The following SCAI variants were observed in gnomAD, a reference collection of about 807,000 sequenced individuals.
SCAI encodes the protein protein SCAI.
SCAI carries 24 observed loss-of-function variants against 92.2 expected under a neutral mutation model. The ratio of observed to expected loss-of-function variants is 0.26; its 90% CI spans 0.19 to 0.37. SCAI has a LOEUF of 0.37. SCAI is among the 10% of genes least tolerant of loss of function. SCAI has a pLI of 1.00. For missense variants in SCAI, 450 were observed against 736.2 expected, an observed-to-expected ratio of 0.61 and a Z score of 4.50; for synonymous variants, 261 against 258.6, an observed-to-expected ratio of 1.01 and a Z score of -0.09.
At chr9:125,142,718 A>G (rs753439413) in intron 1 of SCAI, 41 bp from the exon 2 acceptor site, 11 of 1,557,328 alleles carry the variant, frequency 7.1e-6, no homozygotes, top group Non-Finnish European at 9.7e-6. Context: ...AAAGTAACAT[A>G]CAAGAAAACA....
intron 3 of SCAI, among the ~76,000 whole-genome samples, chr9:125,054,104 A>AGCT (rs1833617103): frequency 6.6e-6 from 1 of 152,068 alleles, no homozygotes; most frequent in Non-Finnish European, 1.5e-5. Context: ...TCTCCCGAGC[A>AGCT]GCTGTGACTT....
At chr9:124,959,463 CATAT>C (rs749324371) in intron 17 of SCAI, among the ~76,000 whole-genome samples, 65 of 116,116 alleles carry the variant, frequency 5.6e-4, no homozygotes, top group African/African-American at 2.0e-3. Context: ...CTAGCAATTT[CATAT>C]ATATATATAT....
chr9:124,983,085 G>A (rs1265317046), intron 14 of SCAI, among the ~76,000 whole-genome samples: 1 of 151,444 alleles, frequency 6.6e-6, no homozygotes, highest in East Asian at 1.9e-4. Context: ...CCAGGAGTAT[G>A]AGGCTGCAGT....
At chr9:125,069,152 A>G (rs1833928025) in intron 2 of SCAI, among the ~76,000 whole-genome samples, 1 of 151,952 alleles carries the variant, frequency 6.6e-6, no homozygotes. Flanking sequence ...CGAGAGGCAG[A>G]GGTTGCAGTG....
At chr9:125,113,559 A>G (rs1834971854) in intron 2 of SCAI, among the ~76,000 whole-genome samples, 1 of 152,184 alleles carries the variant, frequency 6.6e-6, no homozygotes, top group Non-Finnish European at 1.5e-5. Context: ...AAAATTTTAA[A>G]AAGTAAATGC....
chr9:125,012,747 C>T (rs1275033896), intron 9 of SCAI, among the ~76,000 whole-genome samples: 4 of 152,182 alleles, frequency 2.6e-5, no homozygotes, highest in Non-Finnish European at 5.9e-5. Flanking sequence ...CACCACACCA[C>T]ACCTATTCCA....
intron 9 of SCAI, among the ~76,000 whole-genome samples, chr9:125,009,639 C>A (rs1832589196): frequency 6.6e-6 from 1 of 152,068 alleles, no homozygotes; most frequent in African/African-American, 2.4e-5. Flanking sequence ...GTAATCCCAA[C>A]ACTTTGGGAG....
intron 17 of SCAI, among the ~76,000 whole-genome samples, chr9:124,960,842 G>A (rs1269490044): frequency 4.6e-5 from 7 of 152,140 alleles, no homozygotes; most frequent in Non-Finnish European, 8.8e-5. Flanking sequence ...TTAGTAGGTG[G>A]GTCACAGTGG....
At chr9:125,050,157 A>G (rs896358456) in intron 3 of SCAI, among the ~76,000 whole-genome samples, 1 of 152,100 alleles carries the variant, frequency 6.6e-6, no homozygotes, top group African/African-American at 2.4e-5. Flanking sequence ...ACACTATTCC[A>G]GCTGGATCCC....
intron 3 of SCAI, among the ~76,000 whole-genome samples, chr9:125,046,741 CT>C (rs1408848690): frequency 2.0e-5 from 3 of 151,558 alleles, no homozygotes; most frequent in Non-Finnish European, 2.9e-5. Context: ...TACCTCTCCC[CT>C]AACCAATTCC....
chr9:125,078,324 C>T (rs928203765), intron 2 of SCAI, among the ~76,000 whole-genome samples: 2 of 152,078 alleles, frequency 1.3e-5, no homozygotes, highest in African/African-American at 4.8e-5. Flanking sequence ...GTCAAGAGTT[C>T]AAGACCAGCC....
chr9:125,032,410 TCGAACTCCTGA>T (rs1031680327), intron 3 of SCAI, among the ~76,000 whole-genome samples: 1 of 151,490 alleles, frequency 6.6e-6, no homozygotes, highest in African/African-American at 2.4e-5. Flanking sequence ...CAGGGTGGTC[TCGAACTCCTGA>T]CCTCAGGTGA....
intron 2 of SCAI, among the ~76,000 whole-genome samples, chr9:125,099,562 G>C (rs1019613949): frequency 6.6e-6 from 1 of 152,112 alleles, no homozygotes; most frequent in Non-Finnish European, 1.5e-5. Context: ...GATTACAGAC[G>C]GCAGCTTTTC....
At position 125,002,499 on chromosome 9, in the gene SCAI, T is replaced by TTTTTTTTTTTTTTTTG. The variant is rs1554779235; in HGVS notation, c.1066-457_1066-456insCAAAAAAAAAAAAAAA. On this transcript the variant is annotated intron_variant, in intron 11 of 17. Coordinates refer to ENST00000336505, the MANE Select transcript of SCAI (RefSeq NM_001144877.3). ...TTGTTTTTTAGTCTGTTTTTTTTTTTGAAACAGAGTTTCACTCTTGTTGCC... is the reference window on the plus strand; with the variant it reads ...TTGTTTTTTAGTCTGTTTTTTTTTTTTTTTTTTTTTTTTTTGGAAACAGAGTTTCACTCTTGTTGCC... Among the ~76,000 whole-genome samples the TTTTTTTTTTTTTTTTG allele has an allele frequency of 8.6e-4, 127 of 147,250 alleles. 1 individual carries two copies. The highest frequency in any genetic ancestry group is 3.2e-3 in the African/African-American group (124 of 38,846).
chr9:124,977,102 C>T (rs1293927724), intron 14 of SCAI, among the ~76,000 whole-genome samples: 1 of 152,134 alleles, frequency 6.6e-6, no homozygotes, highest in African/African-American at 2.4e-5. Flanking sequence ...TTCATGAGCT[C>T]AAGCGATCCA....
At chr9:125,020,483 A>G (rs900536074) in intron 7 of SCAI, among the ~76,000 whole-genome samples, 190 bp downstream of exon 7, 1 of 152,196 alleles carries the variant, frequency 6.6e-6, no homozygotes, top group Non-Finnish European at 1.5e-5. Context: ...ATTATCTCAG[A>G]TTAGTGTATT....
At chr9:125,127,791 T>G (rs1483726465) in intron 2 of SCAI, among the ~76,000 whole-genome samples, 2 of 152,084 alleles carry the variant, frequency 1.3e-5, no homozygotes, top group Non-Finnish European at 2.9e-5. Context: ...GTGGATCAAC[T>G]GAGGTCAGGA....
intron 2 of SCAI, among the ~76,000 whole-genome samples, chr9:125,066,921 G>C (rs1320836924): frequency 6.6e-6 from 1 of 152,124 alleles, no homozygotes; most frequent in Admixed American, 6.6e-5. Context: ...CAGGATTGCA[G>C]CCCAGGAGCA....
intron 14 of SCAI, among the ~76,000 whole-genome samples, chr9:124,983,167 A>G (rs1831922042): frequency 6.6e-6 from 1 of 151,826 alleles, no homozygotes; most frequent in Admixed American, 6.6e-5. Context: ...TCTCTTAAAA[A>G]AAAAAAAAAA....
Sources: gnomAD v4.1 joint callset for allele counts (sites outside exome capture counted in the v4.1 genomes callset) on GRCh38, gnomAD v4.1.1 for gene constraint, MANE v1.5 for transcripts, NCBI Gene and HGNC (gene_info 2026-07-23, HGNC 2026-07-21) for gene names.